PCDH15: variants seen among roughly 807,000 people sequenced by gnomAD.
PCDH15 encodes the protein protocadherin related 15, also known as protocadherin-15.
PCDH15 carries 129 observed loss-of-function variants against 178.5 expected under a neutral mutation model. The ratio of observed to expected loss-of-function variants is 0.72; its 90% CI spans 0.63 to 0.84. The LOEUF (loss-of-function observed/expected upper bound fraction) is 0.84, where lower values mean the gene tolerates loss of function less well. Ranked by LOEUF, PCDH15 falls within the 40% of genes least tolerant of loss-of-function variation. PCDH15 has a pLI of 0.00. For missense variants in PCDH15, 2,230 were observed against 2,099.9 expected, an observed-to-expected ratio of 1.06 and a Z score of -1.21; for synonymous variants, 800 against 732.0, an observed-to-expected ratio of 1.09 and a Z score of -1.50.
At chr10:54,477,064 C>T (rs1276861576) in intron 3 of PCDH15, among the ~76,000 whole-genome samples, 1 of 152,096 alleles carries the variant, frequency 6.6e-6, no homozygotes, top group Non-Finnish European at 1.5e-5. Context: ...TAAATAGGAT[C>T]ATGTTACCTC....
At chr10:54,620,620 A>G (rs1291050627) in intron 2 of PCDH15, among the ~76,000 whole-genome samples, 1 of 152,092 alleles carries the variant, frequency 6.6e-6, no homozygotes, top group African/African-American at 2.4e-5. Flanking sequence ...GCTGAGCAAT[A>G]CATTTTGTGA....
At chr10:55,568,195 G>T (rs1441812201) in intron 2 of PCDH15, among the ~76,000 whole-genome samples, 3 of 151,924 alleles carry the variant, frequency 2.0e-5, no homozygotes, top group East Asian at 3.9e-4. Flanking sequence ...GCAAAATGTG[G>T]TTTTTGTATA....
chr10:54,033,623 G>A (rs951913617), intron 18 of PCDH15, among the ~76,000 whole-genome samples: 1 of 151,840 alleles, frequency 6.6e-6, no homozygotes, highest in African/African-American at 2.4e-5. Flanking sequence ...CACTTCTTAA[G>A]TAATGAAATA....
intron 21 of PCDH15, among the ~76,000 whole-genome samples, chr10:53,977,320 C>CT (rs2134542780): frequency 8.5e-6 from 1 of 117,002 alleles, no homozygotes; most frequent in African/African-American, 3.2e-5. Context: ...TAGCTGAAAG[C>CT]TTTAAAAAAA....
rs1420342282 is a variant in PCDH15, at chr10:53,959,941, G to A, written c.3010-97C>T. The A allele has an allele frequency of 7.5e-6, 7 of 932,596 alleles. 1 individual carries two copies. In the Admixed American group the frequency reaches 1.4e-4, roughly 18 times the overall value. 57.8% of individuals were successfully genotyped at this position (932,596 alleles called of 1,614,324 possible). On this transcript the variant is annotated intron_variant, in intron 22 of 37. Coordinates refer to ENST00000644397, the MANE Select transcript of PCDH15 (RefSeq NM_001384140.1). Reference sequence around the variant, plus strand: ...ATGTTTTTACTTATTGGATTGCCTGGTTCCAGAAGGGGAAGCAATGATCAT... The same window carrying A: ...ATGTTTTTACTTATTGGATTGCCTGATTCCAGAAGGGGAAGCAATGATCAT...
chr10:54,920,521 G>A (rs979076661), intron 2 of PCDH15, among the ~76,000 whole-genome samples: 1 of 146,992 alleles, frequency 6.8e-6, no homozygotes, highest in African/African-American at 2.5e-5. Flanking sequence ...TATATTAGGC[G>A]ATCAGGACAT....
intron 2 of PCDH15, chr10:55,575,588 C>T (rs1235042572): frequency 6.6e-6 from 1 of 152,090 alleles, no homozygotes; most frequent in East Asian, 1.9e-4. Context: ...AGATTTATTT[C>T]TAATTGAAAA....
At chr10:54,638,319 G>T (rs1193205191) in intron 2 of PCDH15, among the ~76,000 whole-genome samples, 1 of 151,882 alleles carries the variant, frequency 6.6e-6, no homozygotes, top group Non-Finnish European at 1.5e-5. Flanking sequence ...ACAAGTTAAA[G>T]AAAGAAACCC....
At chr10:55,159,202 A>C (rs1316608074) in intron 2 of PCDH15, among the ~76,000 whole-genome samples, 1 of 151,872 alleles carries the variant, frequency 6.6e-6, no homozygotes, top group East Asian at 1.9e-4. Flanking sequence ...ACTCATAAAA[A>C]AAATTAAATC....
At chr10:54,721,857 T>C (rs1248605481) in intron 1 of PCDH15, among the ~76,000 whole-genome samples, 1 of 150,990 alleles carries the variant, frequency 6.6e-6, no homozygotes, top group Non-Finnish European at 1.5e-5. Flanking sequence ...GACTCCTCCT[T>C]CTCTCTTTTA....
intron 21 of PCDH15, among the ~76,000 whole-genome samples, chr10:53,964,380 A>ATTTATAAATTTTATTTATTCATACAATT (rs2088722562): frequency 2.5e-5 from 3 of 117,922 alleles, no homozygotes; most frequent in Non-Finnish European, 5.3e-5. Flanking sequence ...AAAAAAATTT[A>ATTTATAAATTTTATTTATTCATACAATT]TTTATAAATT....
At chr10:55,490,070 C>T (rs1324358003) in intron 2 of PCDH15, among the ~76,000 whole-genome samples, 1 of 151,642 alleles carries the variant, frequency 6.6e-6, no homozygotes, top group Non-Finnish European at 1.5e-5. Context: ...AACAAAGCAA[C>T]AATTTACAGA....
intron 8 of PCDH15, among the ~76,000 whole-genome samples, chr10:54,257,403 CTTTT>C (rs71461225): frequency 1.6e-5 from 2 of 126,022 alleles, no homozygotes; most frequent in Admixed American, 8.4e-5. Flanking sequence ...GAATTGTCTT[CTTTT>C]TTTTTTTTTT....
chr10:55,034,975 T>A (rs1427328986), intron 2 of PCDH15, among the ~76,000 whole-genome samples: 15 of 152,158 alleles, frequency 9.9e-5, no homozygotes, highest in Admixed American at 9.8e-4. Flanking sequence ...AGCCAGTTTC[T>A]CTGGAGGCAT....
chr10:54,195,889 C>A lies in PCDH15; in HGVS notation c.1099G>T (p.Ala367Ser), dbSNP rs199537944. The A allele has an allele frequency of 1.6e-5, 26 of 1,612,520 alleles. No homozygotes were observed. Among genetic ancestry groups the A allele is most frequent in the Non-Finnish European group, 1.7e-6 (2 of 1,178,864 alleles). Residue 367 changes from alanine (A) to serine (S), a missense_variant and splice_region_variant, in exon 11 of 38, where the codon GCT (alanine) becomes TCT (serine). Transcript: ENST00000644397. ...AGAGGATGACCATTGTCTTGTTCAG[C>A]CTAAAATTGAAAAGAAAAGAAAATA... ...FHQKFDLVIKAEQDNGHPLPA... is the reference protein window; with the variant it reads ...FHQKFDLVIKSEQDNGHPLPA...
At chr10:55,615,078 A>G (rs1226460584) in intron 2 of PCDH15, among the ~76,000 whole-genome samples, 4 of 152,144 alleles carry the variant, frequency 2.6e-5, no homozygotes, top group Non-Finnish European at 5.9e-5. Context: ...ACTTCTGACC[A>G]TGTCCTTTAA....
chr10:54,296,249 C>T (rs11004206), intron 8 of PCDH15, among the ~76,000 whole-genome samples: 16,396 of 151,166 alleles, frequency 0.11, 956 homozygotes, highest in Middle Eastern at 0.2. Context: ...CCTGACTCTT[C>T]GGGGTTGGAA....
intron 16 of PCDH15, 146 bp downstream of exon 16, chr10:54,089,838 T>G (rs992925535): frequency 3.0e-6 from 2 of 663,142 alleles, no homozygotes; most frequent in Admixed American, 2.6e-5. Context: ...CTCAGAATTA[T>G]CCTCCCAGCT....
At chr10:55,404,195 A>G (rs1838143035) in intron 2 of PCDH15, among the ~76,000 whole-genome samples, 1 of 152,040 alleles carries the variant, frequency 6.6e-6, no homozygotes. Context: ...TTCTCTGGGA[A>G]GTGCAGAATC....
Sources: allele counts gnomAD v4.1 joint callset (sites outside exome capture counted in the v4.1 genomes callset), GRCh38; gene constraint gnomAD v4.1.1; transcripts MANE v1.5; gene names NCBI Gene and HGNC (gene_info 2026-07-23, HGNC 2026-07-21).